Variants in STXBP4 observed in about 807,000 individuals in gnomAD.
The protein encoded by STXBP4 is syntaxin binding protein 4, also known as syntaxin-binding protein 4.
In STXBP4, 55 loss-of-function variants were observed where a neutral mutation model predicts 76.1. The observed-to-expected ratio is 0.72, with a 90% CI of 0.58 to 0.91. STXBP4 has a LOEUF of 0.91. Among genes scored for constraint, STXBP4 ranks in the 40% least tolerant of loss-of-function variants. STXBP4 has a pLI of 0.00. For synonymous variants in STXBP4, 201 were observed against 220.2 expected (o/e 0.91, Z 0.77); for missense variants, 618 against 636.9 (o/e 0.97, Z 0.32).
intron 8 of STXBP4, among the ~76,000 whole-genome samples, chr17:55,021,135 G>A (rs1166839449): frequency 6.6e-6 from 1 of 152,064 alleles, no homozygotes; most frequent in Non-Finnish European, 1.5e-5. Context: ...TTCACTATGA[G>A]GTTCCAGCAT....
chr17:55,127,527 A>G (rs1360986519), intron 16 of STXBP4, among the ~76,000 whole-genome samples: 1 of 152,180 alleles, frequency 6.6e-6, no homozygotes, highest in African/African-American at 2.4e-5. Context: ...TTTTTGAGTG[A>G]TAAACTATAC....
At chr17:55,202,901 A>T in the STXBP4 span, among the ~76,000 whole-genome samples, 2 of 152,186 alleles carry the variant, frequency 1.3e-5, no homozygotes, top group South Asian at 4.1e-4. Context: ...GATGGGCATA[A>T]GAGCCAAGAA....
chr17:55,109,624 C>CTTTTTTTTTT (rs551292679), intron 16 of STXBP4, among the ~76,000 whole-genome samples: 4 of 114,378 alleles, frequency 3.5e-5, no homozygotes, highest in Non-Finnish European at 5.3e-5. Context: ...AACTCAATGT[C>CTTTTTTTTTT]TTTTTTTTTT....
At chr17:55,072,657 T>G (rs975037707) in intron 12 of STXBP4, among the ~76,000 whole-genome samples, 2 of 152,196 alleles carry the variant, frequency 1.3e-5, no homozygotes, top group Admixed American at 1.3e-4. Context: ...ATTTTCAAAA[T>G]GTTATGCTAG....
intron 4 of STXBP4, chr17:54,991,741 A>T (rs191328245): frequency 1.3e-4 from 20 of 150,582 alleles, no homozygotes; most frequent in Admixed American, 6.6e-4. Flanking sequence ...AAATTAATAA[A>T]ATATTCTCCA....
At chr17:55,026,073 T>C (rs1299460567) in intron 8 of STXBP4, among the ~76,000 whole-genome samples, 1 of 152,196 alleles carries the variant, frequency 6.6e-6, no homozygotes, top group Non-Finnish European at 1.5e-5. Flanking sequence ...GCAAGACATA[T>C]ATACTTAAAA....
At chr17:55,026,362 A>C (rs991038539) in intron 8 of STXBP4, among the ~76,000 whole-genome samples, 1 of 152,182 alleles carries the variant, frequency 6.6e-6, no homozygotes, top group Non-Finnish European at 1.5e-5. Flanking sequence ...AAGATGGTAG[A>C]TTAGAGCGGT....
chr17:55,090,113 A>G (rs1405509535), intron 16 of STXBP4, among the ~76,000 whole-genome samples: 1 of 152,076 alleles, frequency 6.6e-6, no homozygotes, highest in Admixed American at 6.6e-5. Context: ...TCTGATTTGA[A>G]GGAGTAATGA....
At chr17:55,175,663 G>A (rs757665970), downstream of STXBP4, among the ~76,000 whole-genome samples, 1 of 152,220 alleles carries the variant, frequency 6.6e-6, no homozygotes, top group Non-Finnish European at 1.5e-5. Flanking sequence ...AGAGTCGGGG[G>A]ACAAAGGGGA....
intron 12 of STXBP4, among the ~76,000 whole-genome samples, chr17:55,059,953 G>T (rs1315069965): frequency 6.6e-6 from 1 of 152,102 alleles, no homozygotes; most frequent in Non-Finnish European, 1.5e-5. Flanking sequence ...TGACTGAGAG[G>T]CTGTAATGAT....
At chr17:55,184,037 T>C in the STXBP4 span, among the ~76,000 whole-genome samples, 14 of 152,202 alleles carry the variant, frequency 9.2e-5, no homozygotes, top group Admixed American at 5.9e-4. Context: ...ACTTTTTTTT[T>C]CAAATACACA....
chr17:55,124,177 G>T (rs938937289), intron 16 of STXBP4, among the ~76,000 whole-genome samples: 1 of 152,152 alleles, frequency 6.6e-6, no homozygotes, highest in African/African-American at 2.4e-5. Flanking sequence ...AGCATTATAT[G>T]GGGACTTGGG....
chr17:55,177,371 A>C (rs1297898130), downstream of STXBP4, among the ~76,000 whole-genome samples: 1 of 152,118 alleles, frequency 6.6e-6, no homozygotes, highest in East Asian at 1.9e-4. Context: ...CAACAGCAAT[A>C]ATCAGGCCTG....
At chr17:55,001,188 G>A (rs944963456) in intron 7 of STXBP4, among the ~76,000 whole-genome samples, 5 of 152,070 alleles carry the variant, frequency 3.3e-5, no homozygotes, top group Non-Finnish European at 7.4e-5. Context: ...ATCAAGATTA[G>A]GTTGCCATGT....
intron 13 of STXBP4, among the ~76,000 whole-genome samples, chr17:55,076,773 T>C (rs1598290239): frequency 2.6e-5 from 4 of 152,154 alleles, no homozygotes; most frequent in Admixed American, 2.6e-4. Flanking sequence ...GTAATTCAGA[T>C]TGGATGTGTG....
intron 16 of STXBP4, among the ~76,000 whole-genome samples, chr17:55,107,983 G>A (rs1598319998): frequency 6.6e-6 from 1 of 152,238 alleles, no homozygotes; most frequent in African/African-American, 2.4e-5. Flanking sequence ...AGAGCCAGCA[G>A]GCAGGAACAT....
intron 12 of STXBP4, among the ~76,000 whole-genome samples, chr17:55,061,535 T>C (rs1416953267): frequency 2.6e-5 from 4 of 152,188 alleles, no homozygotes; most frequent in African/African-American, 9.7e-5. Flanking sequence ...CCTGTTTCCA[T>C]TTCAGATAGT....
chr17:55,151,977 T>C (rs554634004), intron 17 of STXBP4, among the ~76,000 whole-genome samples: 4 of 152,270 alleles, frequency 2.6e-5, no homozygotes, highest in African/African-American at 9.6e-5. Context: ...GAAGGACTAG[T>C]AGTGTTAGTT....
At chr17:55,023,588 T>C (rs2078353572) in intron 8 of STXBP4, among the ~76,000 whole-genome samples, 1 of 152,174 alleles carries the variant, frequency 6.6e-6, no homozygotes, top group Non-Finnish European at 1.5e-5. Context: ...TTTGGGAGCA[T>C]TTTCGATTTC....
Sources: allele counts gnomAD v4.1 joint callset (sites outside exome capture counted in the v4.1 genomes callset), GRCh38; gene constraint gnomAD v4.1.1; transcripts MANE v1.5; gene names NCBI Gene and HGNC (gene_info 2026-07-23, HGNC 2026-07-21).